The following CCDC7 variants were observed in gnomAD, a reference collection of about 807,000 sequenced individuals.
The protein encoded by CCDC7 is coiled-coil domain-containing protein 7.
Under a neutral mutation model 196.9 loss-of-function variants are expected in CCDC7, and 183 were observed. That is an observed-to-expected ratio of 0.93 (90% CI 0.82 to 1.05). The LOEUF is 1.05. Among genes scored for constraint, CCDC7 ranks in the 50% least tolerant of loss-of-function variants. The probability of loss-of-function intolerance (pLI) is 0.00; values close to 1 mark genes in which losing one functional copy is unlikely to be tolerated. For missense variants in CCDC7, 1,540 were observed against 1,482.2 expected (o/e 1.04, Z -0.64); for synonymous variants, 525 against 484.6 (o/e 1.08, Z -1.10).
intron 8 of CCDC7, 135 bp downstream of exon 9, chr10:32,474,158 C>A: frequency 3.8e-6 from 2 of 522,900 alleles, no homozygotes; most frequent in Non-Finnish European, 5.5e-6. Flanking sequence ...AGCTGGTTGT[C>A]AAGCAAGTAT....
Position 32,704,904 on chromosome 10 carries a change from C to T in CCDC7, c.2459-6716C>T, listed in dbSNP as rs915555368. On this transcript the variant is annotated intron_variant, in intron 24 of 41. Coordinates refer to ENST00000639629, the Ensembl canonical transcript of CCDC7. The stretch of plus-strand genomic sequence containing the variant: ...GGGAGTGACTCGATTTTCCAGGTGC[C>T]ATCTGTCACACCTTTCCTTGGCTAG... Among the ~76,000 whole-genome samples, 3 of 152,270 alleles carry T rather than the reference C, an allele frequency of 2.0e-5. No individual in the cohort carries two copies. The South Asian group carries it at 6.2e-4, about 32-fold the overall frequency.
intron 29 of CCDC7, among the ~76,000 whole-genome samples, chr10:32,804,153 A>G (rs2085350963): frequency 6.6e-6 from 1 of 152,160 alleles, no homozygotes; most frequent in African/African-American, 2.4e-5. Flanking sequence ...GTGCTGCTGG[A>G]ACTAGATTTC....
intron 20 of CCDC7, among the ~76,000 whole-genome samples, chr10:32,645,363 A>G (rs754821340): frequency 6.6e-6 from 1 of 152,120 alleles, no homozygotes; most frequent in Non-Finnish European, 1.5e-5. Flanking sequence ...TACTTCCCTG[A>G]TATGAATCCC....
At chr10:32,627,682 T>G (rs1347458923) in intron 18 of CCDC7, among the ~76,000 whole-genome samples, 1 of 151,494 alleles carries the variant, frequency 6.6e-6, no homozygotes, top group Non-Finnish European at 1.5e-5. Context: ...CATACATTCC[T>G]TCTATATGTA....
rs1258207571 is a variant in CCDC7 at position 32,824,545 on chromosome 10, C to A, written c.3209C>A (p.Thr1070Asn). The A allele has an allele frequency of 1.9e-5, 31 of 1,611,650 alleles. No individual in the cohort carries two copies. In the East Asian group the frequency reaches 6.7e-4, roughly 35 times the overall value. ...ACTGATGAACGATTGCATAGTACAACTGAGAGAGGTACAATAAATGATGCA... is the reference window on the plus strand; with the variant it reads ...ACTGATGAACGATTGCATAGTACAAATGAGAGAGGTACAATAAATGATGCA... Residue 1070 changes from threonine to asparagine, a missense_variant, in exon 32 of 42, where the codon ACT (threonine) becomes AAT (asparagine). Transcript: ENST00000639629.
chr10:32,601,599 C>T (rs1317971440), intron 18 of CCDC7, among the ~76,000 whole-genome samples: 1 of 152,102 alleles, frequency 6.6e-6, no homozygotes, highest in Non-Finnish European at 1.5e-5. Context: ...TTCTGTCTAG[C>T]TAAAGGATTG....
At chr10:32,538,865 T>G (rs1165767952) in intron 11 of CCDC7, among the ~76,000 whole-genome samples, 4 of 152,210 alleles carry the variant, frequency 2.6e-5, no homozygotes, top group Admixed American at 6.5e-5. Context: ...GTTTTTGATG[T>G]GCTTCTGGAA....
intron 39 of CCDC7, among the ~76,000 whole-genome samples, chr10:32,849,030 A>G (rs544119489): frequency 1.3e-5 from 2 of 152,062 alleles, no homozygotes; most frequent in African/African-American, 4.8e-5. Flanking sequence ...CTAAAGAGCT[A>G]TTAAAATTAA....
chr10:32,669,246 C>G (rs2073532677), intron 21 of CCDC7, among the ~76,000 whole-genome samples: 1 of 152,126 alleles, frequency 6.6e-6, no homozygotes, highest in Non-Finnish European at 1.5e-5. Flanking sequence ...AGATAAACCA[C>G]ACTTGATCAT....
chr10:32,681,962 G>A (rs867609185), intron 21 of CCDC7, among the ~76,000 whole-genome samples: 7 of 151,866 alleles, frequency 4.6e-5, no homozygotes, highest in Admixed American at 4.6e-4. Context: ...TTCTTCTACT[G>A]TGCGAATCCT....
intron 20 of CCDC7, among the ~76,000 whole-genome samples, chr10:32,661,392 A>G (rs1446380572): frequency 1.3e-5 from 2 of 152,038 alleles, no homozygotes; most frequent in Non-Finnish European, 2.9e-5. Flanking sequence ...AACTAGTTCA[A>G]CCATTGTGGA....
intron 8 of CCDC7, among the ~76,000 whole-genome samples, chr10:32,476,044 C>G (rs2038910452): frequency 6.6e-6 from 1 of 152,156 alleles, no homozygotes; most frequent in Non-Finnish European, 1.5e-5. Context: ...GGTTGATGAA[C>G]CAATTTTGAT....
rs189459337 is a variant in CCDC7 at position 32,596,052 on chromosome 10, A to G, written c.1801+11748A>G. Among the ~76,000 whole-genome samples the G allele has an allele frequency of 3.8e-3, 579 of 152,272 alleles. 5 individuals are homozygous for G. Among genetic ancestry groups the G allele is most frequent in the African/African-American group, 0.013 (559 of 41,550 alleles). On this transcript the variant is annotated intron_variant, in intron 18 of 41. Transcript: ENST00000639629. Reference sequence around the variant, plus strand: ...GGGGTGGAGAGTTCTGTAGATGTCTATTAGGTCCACTTGTTGCAGAGCTGA... The same window carrying G: ...GGGGTGGAGAGTTCTGTAGATGTCTGTTAGGTCCACTTGTTGCAGAGCTGA...
intron 11 of CCDC7, among the ~76,000 whole-genome samples, chr10:32,531,604 C>G (rs2049674693): frequency 6.6e-6 from 1 of 152,112 alleles, no homozygotes; most frequent in African/African-American, 2.4e-5. Context: ...TTCTCTTCTA[C>G]TTTTGAAGGA....
intron 5 of CCDC7, 26 bp downstream of exon 6, chr10:32,463,075 A>C (rs1292443021): frequency 6.2e-7 from 1 of 1,611,608 alleles, no homozygotes; most frequent in Non-Finnish European, 8.5e-7. Context: ...TAAAATTGTT[A>C]AGTTAATATT....
intron 21 of CCDC7, among the ~76,000 whole-genome samples, chr10:32,674,094 C>A (rs1167515755): frequency 6.6e-6 from 1 of 150,500 alleles, no homozygotes; most frequent in Non-Finnish European, 1.5e-5. Context: ...TATTTTTTTC[C>A]TATTTTATTT....
Position 32,755,250 on chromosome 10 carries a change from A to G in CCDC7, c.2906-23727A>G, listed in dbSNP as rs561641766. On this transcript the variant is annotated intron_variant, in intron 28 of 41. Coordinates refer to ENST00000639629, the Ensembl canonical transcript of CCDC7. ...CTGCAGACTTAAACGTCCCTGTCTG[A>G]CAGCTTTGAAGAGAGTAGTGTTTCT... 2.4e-3 allele frequency among the ~76,000 whole-genome samples: 372 copies of G among 152,320 alleles called. 2 individuals are homozygous for G. The highest frequency in any genetic ancestry group is 8.5e-3 in the African/African-American group (355 of 41,578).
chr10:32,717,895 CA>C (rs56282080), intron 25 of CCDC7, among the ~76,000 whole-genome samples: 67,042 of 130,042 alleles, frequency 0.52, 16,796 homozygotes, highest in East Asian at 0.87. Context: ...AATAGCCTAC[CA>C]AAAAAAAAAA....
chr10:32,532,645 A>T (rs1229577402), intron 11 of CCDC7, among the ~76,000 whole-genome samples: 1 of 152,126 alleles, frequency 6.6e-6, no homozygotes, highest in Non-Finnish European at 1.5e-5. Context: ...TGCTTTATAT[A>T]TCTGGGAGTT....
Sources: allele counts gnomAD v4.1 joint callset (sites outside exome capture counted in the v4.1 genomes callset), GRCh38; gene constraint gnomAD v4.1.1; transcripts MANE v1.5; gene names NCBI Gene and HGNC (gene_info 2026-07-23, HGNC 2026-07-21).